The following ZBTB38 variants were observed in gnomAD, a reference collection of about 807,000 sequenced individuals.
The protein encoded by ZBTB38 is zinc finger and BTB domain-containing protein 38.
In ZBTB38, 20 loss-of-function variants were observed where a neutral mutation model predicts 76.8. The ratio of observed to expected loss-of-function variants is 0.26; its 90% CI spans 0.18 to 0.38. ZBTB38 has a LOEUF of 0.38. Among genes scored for constraint, ZBTB38 ranks in the 10% least tolerant of loss-of-function variants. ZBTB38 has a pLI of 1.00. For missense variants in ZBTB38, 1,082 were observed against 1,482.3 expected (o/e 0.73, Z 4.43); for synonymous variants, 504 against 544.2 (o/e 0.93, Z 1.03).
At chr3:141,330,792 G>A (rs1942824665) in intron 1 of ZBTB38, among the ~76,000 whole-genome samples, 1 of 152,182 alleles carries the variant, frequency 6.6e-6, no homozygotes, top group Non-Finnish European at 1.5e-5. Context: ...TATCACAGGA[G>A]GGGAACTGGT....
At chr3:141,357,665 G>A (rs113962490) in intron 1 of ZBTB38, among the ~76,000 whole-genome samples, 2 of 152,090 alleles carry the variant, frequency 1.3e-5, no homozygotes, top group East Asian at 1.9e-4. Flanking sequence ...GAGTAGCTGG[G>A]ACTACAGGCA....
rs774704905 is a variant in ZBTB38, at chr3:141,444,023, T to C, written c.1635T>C (p.Leu545=). 6.2e-7 allele frequency: 1 copy of C among 1,614,176 alleles called. No homozygotes were observed. Among genetic ancestry groups the C allele is most frequent in the Non-Finnish European group, 8.5e-7 (1 of 1,180,036 alleles). The change falls in exon 6 of 6, where the codon CTT becomes CTC. Residue 545 remains leucine (L), a synonymous_variant. Transcript: ENST00000321464. This position sits in a 1 kb window ranked among gnomAD's most constrained non-coding sequence, Gnocchi z 5.1. ...QKSFHAIDHR[L]SISKKTANGG... ...CTTTCCATGCCATCGATCATAGACT[T>C]TCCATCAGTAAAAAAACAGCAAATG...
In ZBTB38 at chr3:141,445,987, T is replaced by G; in HGVS notation, c.*11T>G. 6.5e-7 allele frequency: 1 copy of G among 1,541,486 alleles called. No individual in the cohort carries two copies. Among genetic ancestry groups the G allele is most frequent in the Non-Finnish European group, 8.7e-7 (1 of 1,152,312 alleles). On this transcript the variant is annotated 3_prime_UTR_variant, in exon 6 of 6. Transcript: ENST00000321464. The surrounding 1 kb of genome is among the most constrained non-coding windows in gnomAD (Gnocchi z 6.5). The stretch of plus-strand genomic sequence containing the variant: ...AATGTTGTCCTTTGAGTGGCAAGAA[T>G]TAGAAAAATCTTCAAAAATATAGTT...
chr3:141,393,514 G>A (rs1949501161), intron 4 of ZBTB38, among the ~76,000 whole-genome samples: 1 of 152,158 alleles, frequency 6.6e-6, no homozygotes, highest in African/African-American at 2.4e-5. Context: ...GGGAAAGGAA[G>A]GAACTACACC....
intron 4 of ZBTB38, among the ~76,000 whole-genome samples, chr3:141,395,065 C>A (rs1950027200): frequency 1.3e-5 from 2 of 152,148 alleles, no homozygotes; most frequent in South Asian, 4.2e-4. Flanking sequence ...GGCTTTATGG[C>A]ATGAAAAAAC....
rs2151016497 is a variant in ZBTB38 at position 141,445,959 on chromosome 3, G to A, written c.3571G>A (p.Glu1191Lys). Residue 1191 changes from glutamate to lysine, a missense_variant, in exon 6 of 6, where the codon GAA becomes AAA. Physicochemically the swap from Glu to Lys is moderately conservative, Grantham distance 56 (BLOSUM62 1). Transcript: ENST00000321464. This position sits in a 1 kb window ranked among gnomAD's most constrained non-coding sequence, Gnocchi z 6.5. Reference sequence around the variant, plus strand: ...AAAGGATAACATACAAACCGGTGTGGAAAATGTTGTCCTTTGAGTGGCAAG... The same window carrying A: ...AAAGGATAACATACAAACCGGTGTGAAAAATGTTGTCCTTTGAGTGGCAAG... ...DQKDNIQTGV[E>K]NVVL 6.3e-7 allele frequency: 1 copy of A among 1,582,164 alleles called. No homozygotes were observed. Among genetic ancestry groups the A allele is most frequent in the East Asian group, 2.2e-5 (1 of 44,540 alleles).
chr3:141,372,502 A>C, intron 2 of ZBTB38, among the ~76,000 whole-genome samples: 1 of 151,954 alleles, frequency 6.6e-6, no homozygotes, highest in East Asian at 1.9e-4. Context: ...AAAATACAAA[A>C]TTAGCCGAGC....
At chr3:141,380,723 T>C (rs539058307) in intron 2 of ZBTB38, among the ~76,000 whole-genome samples, 1 of 152,318 alleles carries the variant, frequency 6.6e-6, no homozygotes, top group Admixed American at 6.5e-5. Flanking sequence ...TTTTTTTCTT[T>C]AGTCGAAAGG....
intron 2 of ZBTB38, among the ~76,000 whole-genome samples, 184 bp downstream of exon 2, chr3:141,370,130 T>G (rs1028964271): frequency 2.0e-5 from 3 of 152,230 alleles, no homozygotes; most frequent in African/African-American, 7.2e-5. Flanking sequence ...AAATCTATAA[T>G]GGCTCAAACA....
At chr3:141,384,626 C>T (rs572939707) in intron 3 of ZBTB38, among the ~76,000 whole-genome samples, 2 of 152,270 alleles carry the variant, frequency 1.3e-5, no homozygotes, top group South Asian at 2.1e-4. Context: ...TATAACTCAG[C>T]GTGATCATCT....
intron 1 of ZBTB38, among the ~76,000 whole-genome samples, chr3:141,352,457 G>A (rs79260275): frequency 1.3e-5 from 2 of 152,120 alleles, no homozygotes; most frequent in East Asian, 1.9e-4. Context: ...TATACAGATG[G>A]AGGGAAGGTC....
intron 4 of ZBTB38, among the ~76,000 whole-genome samples, chr3:141,399,899 G>GA (rs913525994): frequency 1.1e-4 from 16 of 150,022 alleles, no homozygotes; most frequent in Non-Finnish European, 1.5e-5. Flanking sequence ...AAGGCCCCTG[G>GA]AAAAGGATAA....
At chr3:141,397,452 T>C (rs1950602850) in intron 4 of ZBTB38, among the ~76,000 whole-genome samples, 1 of 152,242 alleles carries the variant, frequency 6.6e-6, no homozygotes, top group Admixed American at 6.5e-5. Flanking sequence ...TCCGTGTTCA[T>C]TGGAGTATCC....
chr3:141,416,116 G>A (rs944315933), intron 5 of ZBTB38, among the ~76,000 whole-genome samples: 5 of 152,082 alleles, frequency 3.3e-5, no homozygotes, highest in Non-Finnish European at 2.9e-5. Flanking sequence ...AGAAAACAAC[G>A]GGAAAGACAG....
At chr3:141,395,659 T>A (rs1950193766) in intron 4 of ZBTB38, among the ~76,000 whole-genome samples, 1 of 152,206 alleles carries the variant, frequency 6.6e-6, no homozygotes, top group African/African-American at 2.4e-5. Flanking sequence ...AATGAATGAA[T>A]GTGACTGTGT....
Position 141,442,840 on chromosome 3 carries a change from A to G in ZBTB38, c.452A>G (p.Lys151Arg). 6.2e-7 allele frequency: 1 copy of G among 1,614,224 alleles called. No individual in the cohort carries two copies. Among genetic ancestry groups the G allele is most frequent in the Non-Finnish European group, 8.5e-7 (1 of 1,180,048 alleles). Reference protein sequence around the residue: ...KGVVKEEKNEKRHEEPAITNG... With the variant: ...KGVVKEEKNERRHEEPAITNG... ...GTGGTTAAAGAAGAAAAAAATGAAA[A>G]AAGGCATGAAGAACCAGCCATCACT... Residue 151 changes from lysine to arginine, a missense_variant, in exon 6 of 6, where the codon AAA (lysine) becomes AGA (arginine). This residue lies in a region of ZBTB38 where 34 missense variants were observed against 40.4 expected (regional missense o/e 0.84). Coordinates refer to ENST00000321464, the MANE Select transcript of ZBTB38 (RefSeq NM_001376113.1). This position sits in a 1 kb window ranked among gnomAD's most constrained non-coding sequence, Gnocchi z 6.4.
chr3:141,350,954 C>T (rs1054982675), intron 1 of ZBTB38, among the ~76,000 whole-genome samples: 6 of 152,152 alleles, frequency 3.9e-5, no homozygotes, highest in Admixed American at 3.9e-4. Flanking sequence ...AGGTAAGAAA[C>T]GATTGCCTTT....
rs577683723 is a variant in ZBTB38, at chr3:141,434,259, G to C, written c.1-8130G>C. 2.3e-5 allele frequency: 22 copies of C among 943,154 alleles called. No homozygotes were observed. The South Asian group carries it at 9.3e-4, about 40-fold the overall frequency. The allele number at this position is 943,154 out of a possible 1,614,324, so 58.4% of individuals were successfully genotyped here. ...AGGATTGCCAGGTAGGGGAACTAGG[G>C]ACTGGGAGAGAAGGATAATCTTAAG... On this transcript the variant is annotated intron_variant, in intron 5 of 5. Coordinates refer to ENST00000321464, the MANE Select transcript of ZBTB38 (RefSeq NM_001376113.1).
chr3:141,393,037 G>C (rs1949348144), intron 4 of ZBTB38, among the ~76,000 whole-genome samples: 1 of 152,098 alleles, frequency 6.6e-6, no homozygotes, highest in African/African-American at 2.4e-5. Context: ...AGCAATTCCT[G>C]CTCAGGGTTC....
Sources: gnomAD v4.1 joint callset for allele counts (sites outside exome capture counted in the v4.1 genomes callset) on GRCh38, gnomAD v4.1.1 for gene constraint, gnomAD v4.1.1 regional missense constraint, Gnocchi (gnomAD v3.1) non-coding constraint, MANE v1.5 for transcripts, NCBI Gene and HGNC (gene_info 2026-07-23, HGNC 2026-07-21) for gene names.